The following MICAL2 variants were observed in gnomAD, a reference collection of about 807,000 sequenced individuals.
MICAL2 encodes [F-actin]-monooxygenase MICAL2.
A neutral mutation model predicts 127.3 loss-of-function variants in MICAL2; 77 were observed. The observed-to-expected ratio is 0.60, with a 90% CI of 0.50 to 0.73. The LOEUF is 0.73. MICAL2 is among the 30% of genes least tolerant of loss of function. MICAL2 has a pLI of 0.00. For synonymous variants in MICAL2, 570 were observed against 551.1 expected (o/e 1.03, Z -0.48); for missense variants, 1,351 against 1,434.4 (o/e 0.94, Z 0.94).
intron 32 of MICAL2, among the ~76,000 whole-genome samples, chr11:12,344,192 A>T (rs980542553): frequency 2.6e-5 from 4 of 152,102 alleles, no homozygotes; most frequent in African/African-American, 4.8e-5. Flanking sequence ...GCTACTCAGG[A>T]GGCTGAGGCA....
chr11:12,149,634 A>G (rs749270836), intron 2 of MICAL2, among the ~76,000 whole-genome samples: 1 of 152,186 alleles, frequency 6.6e-6, no homozygotes, highest in Non-Finnish European at 1.5e-5. Flanking sequence ...GGGCAGAGAA[A>G]TTTGACTCGA....
chr11:12,330,898 AGAGTGTGTGTGTGT>A (rs1392510943), intron 32 of MICAL2, among the ~76,000 whole-genome samples: 12 of 121,138 alleles, frequency 9.9e-5, no homozygotes, highest in African/African-American at 3.4e-4. Flanking sequence ...AGAGAGAGAG[AGAGTGTGTGTGTGT>A]GTGTGTGTGT....
chr11:12,261,897 T>C (rs904684784), intron 26 of MICAL2: 13 of 986,320 alleles, frequency 1.3e-5, no homozygotes, highest in African/African-American at 1.7e-5. Flanking sequence ...TGTTTGAGTA[T>C]AGAAAGTAAA....
Position 12,327,008 on chromosome 11 carries a change from C to T in MICAL2, c.5422-165C>T, listed in dbSNP as rs559018664. On this transcript the variant is annotated intron_variant, in intron 31 of 34. Coordinates refer to the MICAL2 transcript ENST00000646065. ...GTTGCATGCTAAGGAAGGGAAACAT[C>T]AGGGTATAGTTGTCTGGGAATTCAG... is the stretch of plus-strand genomic sequence containing the variant. Among the ~76,000 whole-genome samples the T allele has an allele frequency of 6.6e-5, 10 of 152,320 alleles. 1 individual carries two copies. In the South Asian group the frequency reaches 2.1e-3, roughly 32 times the overall value.
intron 3 of MICAL2, 92 bp downstream of exon 3, chr11:12,162,511 G>T: frequency 7.0e-7 from 1 of 1,438,232 alleles, no homozygotes; most frequent in Admixed American, 2.0e-5. Flanking sequence ...GCACTCTACG[G>T]TTCTTAGGTG....
Position 12,314,999 on chromosome 11 carries a change from G to A in MICAL2, c.5213-4697G>A, listed in dbSNP as rs554975636. Among the ~76,000 whole-genome samples, 6 of 152,226 alleles carry A rather than the reference G, an allele frequency of 3.9e-5. No homozygotes were observed. The East Asian group carries it at 1.2e-3, about 29-fold the overall frequency. On this transcript the variant is annotated intron_variant, in intron 29 of 34. Coordinates refer to the MICAL2 transcript ENST00000646065. ...ATCTTAGATTGGTTTTCTTCTGCCT[G>A]GAGAACTGTCTGTGGCATTCCTTTT...
intron 1 of MICAL2, among the ~76,000 whole-genome samples, chr11:12,124,247 G>T (rs1850732496): frequency 6.6e-6 from 1 of 152,082 alleles, no homozygotes; most frequent in Non-Finnish European, 1.5e-5. Context: ...CATGATAAAT[G>T]CTTATCGAAG....
At chr11:12,246,358 G>A (rs1860740235) in intron 21 of MICAL2, among the ~76,000 whole-genome samples, 1 of 152,222 alleles carries the variant, frequency 6.6e-6, no homozygotes. Flanking sequence ...TGCTCCTCCA[G>A]AAGGGAGGCC....
At chr11:12,123,089 C>A (rs191120244) in intron 1 of MICAL2, among the ~76,000 whole-genome samples, 2 of 152,142 alleles carry the variant, frequency 1.3e-5, no homozygotes, top group African/African-American at 4.8e-5. Flanking sequence ...GAAAGATATA[C>A]CATTATTTCA....
intron 32 of MICAL2, among the ~76,000 whole-genome samples, chr11:12,330,787 G>A (rs1433729680): frequency 2.3e-5 from 3 of 128,662 alleles, no homozygotes; most frequent in African/African-American, 2.7e-5. Flanking sequence ...GCAGGACGTG[G>A]AGAGAGAGAG....
chr11:12,280,511 G>T (rs1268296966), intron 1 of MICAL2, among the ~76,000 whole-genome samples: 1 of 152,188 alleles, frequency 6.6e-6, no homozygotes, highest in Non-Finnish European at 1.5e-5. Context: ...TCCTACTGGG[G>T]GATTGGAGGG....
chr11:12,259,955 A>T (rs1862874951), intron 26 of MICAL2, 58 bp downstream of exon 26: 1 of 1,588,096 alleles, frequency 6.3e-7, no homozygotes, highest in Non-Finnish European at 8.6e-7. Context: ...CTGCCGAGGG[A>T]CCTGTGTAAC....
chr11:12,177,980 G>A (rs1857016522), intron 3 of MICAL2, among the ~76,000 whole-genome samples: 1 of 152,248 alleles, frequency 6.6e-6, no homozygotes, highest in African/African-American at 2.4e-5. Flanking sequence ...GGTGATAAGA[G>A]TGTCTTTTGC....
intron 2 of MICAL2, among the ~76,000 whole-genome samples, chr11:12,140,466 A>G (rs1405576566): frequency 6.6e-6 from 1 of 151,672 alleles, no homozygotes; most frequent in Non-Finnish European, 1.5e-5. Context: ...GAGGAGCTCA[A>G]TAAACACTTG....
At chr11:12,356,641 C>T (rs2134912418) in intron 34 of MICAL2, among the ~76,000 whole-genome samples, 1 of 152,312 alleles carries the variant, frequency 6.6e-6, no homozygotes, top group African/African-American at 2.4e-5. Context: ...GCATTCCTGG[C>T]TCACCCAGCC....
intron 29 of MICAL2, among the ~76,000 whole-genome samples, chr11:12,311,586 G>A (rs1864175246): frequency 6.6e-6 from 1 of 152,096 alleles, no homozygotes. Flanking sequence ...ATTTTTCTTA[G>A]AGACAGCGTT....
intron 7 of MICAL2, among the ~76,000 whole-genome samples, chr11:12,214,853 C>G (rs1855950535): frequency 6.6e-6 from 1 of 152,104 alleles, no homozygotes; most frequent in South Asian, 2.1e-4. Context: ...ACACAACTTG[C>G]TGACCTCTGA....
At chr11:12,155,508 A>G (rs1379866146) in intron 2 of MICAL2, among the ~76,000 whole-genome samples, 1 of 152,190 alleles carries the variant, frequency 6.6e-6, no homozygotes, top group Non-Finnish European at 1.5e-5. Context: ...ACGTACACAT[A>G]CGCATATACA....
intron 31 of MICAL2, chr11:12,324,196 T>TAA (rs1456288925): frequency 6.9e-6 from 8 of 1,157,088 alleles, no homozygotes; most frequent in African/African-American, 1.6e-5. Context: ...TCAGTCTTGT[T>TAA]CTCTGAGGAA....
Sources: gnomAD v4.1 joint callset for allele counts (sites outside exome capture counted in the v4.1 genomes callset) on GRCh38, gnomAD v4.1.1 for gene constraint, MANE v1.5 for transcripts, NCBI Gene and HGNC (gene_info 2026-07-23, HGNC 2026-07-21) for gene names.